Variants in PSMC6 observed in about 807,000 individuals in gnomAD.
PSMC6 encodes the protein proteasome 26S subunit, ATPase 6, also known as 26S proteasome regulatory subunit 10B.
Under a neutral mutation model 55.9 loss-of-function variants are expected in PSMC6, and 3 were observed. The observed-to-expected ratio is 0.05, with a 90% CI of 0.02 to 0.14. The LOEUF is 0.14. Among genes scored for constraint, PSMC6 ranks in the 10% least tolerant of loss-of-function variants. PSMC6 has a pLI of 1.00. For synonymous variants in PSMC6, 137 were observed against 155.9 expected (o/e 0.88, Z 0.90); for missense variants, 210 against 478.7 (o/e 0.44, Z 5.24).
At chr14:52,722,379 T>G (rs1880233363) in intron 12 of PSMC6, 1 of 151,452 alleles carries the variant, frequency 6.6e-6, no homozygotes, top group Non-Finnish European at 1.5e-5. Flanking sequence ...CTGCCCTTTT[T>G]TTTTTTTTTT....
intron 1 of PSMC6, 129 bp from the exon 2 acceptor site, chr14:52,708,180 G>T: frequency 1.3e-6 from 1 of 741,964 alleles, no homozygotes; most frequent in Non-Finnish European, 2.3e-6. Flanking sequence ...TTCTTTTATG[G>T]TTTGAAACAG....
At chr14:52,714,181 C>T (rs369865742) in intron 7 of PSMC6, 1 of 410,034 alleles carries the variant, frequency 2.4e-6, no homozygotes, top group Non-Finnish European at 4.3e-6. Flanking sequence ...GCTGGGACTG[C>T]AGGCGTGCAT....
chr14:52,714,063 C>A, intron 7 of PSMC6, 95 bp downstream of exon 7: 1 of 814,068 alleles, frequency 1.2e-6, no homozygotes, highest in Non-Finnish European at 1.9e-6. Context: ...TTTTTTGAGA[C>A]ACGGTCTCAC....
intron 13 of PSMC6, among the ~76,000 whole-genome samples, chr14:52,726,571 T>G (rs1477179163): frequency 1.3e-5 from 2 of 151,486 alleles, no homozygotes; most frequent in African/African-American, 4.8e-5. Flanking sequence ...TAGTTTTGAT[T>G]GCTTCGGTTT....
chr14:52,725,297 ATTTACC>A (rs1020421705), intron 13 of PSMC6, among the ~76,000 whole-genome samples: 12 of 152,150 alleles, frequency 7.9e-5, no homozygotes, highest in African/African-American at 2.9e-4. Context: ...ATTCTTACAA[ATTTACC>A]TTTAGTTATT....
At chr14:52,708,702 C>G in intron 3 of PSMC6, 62 bp from the exon 4 acceptor site, 1 of 1,601,998 alleles carries the variant, frequency 6.2e-7, no homozygotes, top group Non-Finnish European at 8.5e-7. Context: ...CCTCTGTCAA[C>G]GTGGGTATGT....
rs542726549 is a variant in PSMC6, at chr14:52,719,193, ACT to A, written c.777+158_777+159del. 6.2e-4 allele frequency among the ~76,000 whole-genome samples: 94 copies of A among 152,330 alleles called. 1 individual carries two copies. The highest frequency in any genetic ancestry group is 5.2e-3 in the South Asian group (25 of 4,826). On this transcript the variant is annotated intron_variant, in intron 10 of 13. Transcript: ENST00000445930. Reference sequence around the variant, plus strand: ...GAACAAACATGTTTCTCTATCACAAACTCTAAGAAAATGACTACTGGAAAATA... The same window carrying A: ...GAACAAACATGTTTCTCTATCACAAACTAAGAAAATGACTACTGGAAAATA...
chr14:52,718,865 T>A (rs1448649494), intron 9 of PSMC6, 112 bp from the exon 10 acceptor site: 1 of 835,742 alleles, frequency 1.2e-6, no homozygotes, highest in African/African-American at 1.7e-5. Flanking sequence ...ATTCTTGCTC[T>A]TTAATTTTCA....
Position 52,720,899 on chromosome 14 carries a change from A to G in PSMC6, c.816A>G (p.Arg272=), listed in dbSNP as rs780468703. ...TGGATGGATTTGATACTCTGCATAG[A>G]GTTAAAATGATCATGGCTACAAACA... ...NQMDGFDTLH[R]VKMIMATNRP... is the part of the protein sequence containing the mutation. The change falls in exon 11 of 14, where the codon AGA becomes AGG. Residue 272 remains arginine (R), a synonymous_variant. Coordinates refer to ENST00000445930, the MANE Select transcript of PSMC6 (RefSeq NM_002806.5). The G allele has an allele frequency of 5.0e-6, 8 of 1,609,610 alleles. No individual in the cohort carries two copies. The South Asian group carries it at 8.8e-5, about 18-fold the overall frequency.
At chr14:52,720,037 A>G (rs568933485) in intron 10 of PSMC6, among the ~76,000 whole-genome samples, 5 of 152,172 alleles carry the variant, frequency 3.3e-5, no homozygotes, top group African/African-American at 9.6e-5. Flanking sequence ...AGCCTGACCA[A>G]CGTAGCGAAA....
chr14:52,707,244 C>G lies in PSMC6; in HGVS notation c.25C>G (p.Leu9Val). 6.2e-7 allele frequency: 1 copy of G among 1,614,072 alleles called. No individual in the cohort carries two copies. The highest frequency in any genetic ancestry group is 8.5e-7 in the Non-Finnish European group (1 of 1,180,018). Reference protein sequence around the residue: MADPRDKALQDYRKKLLEH... With the variant: MADPRDKAVQDYRKKLLEH... The stretch of plus-strand genomic sequence containing the variant: ...CATGGCGGACCCTAGAGATAAGGCG[C>G]TTCAGGACTACCGCAAGAAGTTGCT... Residue 9 changes from leucine (L) to valine (V), a missense_variant, in exon 1 of 14, where the codon CTT (leucine) becomes GTT (valine). Leu to Val is a conservative substitution (Grantham distance 32, BLOSUM62 1). Coordinates refer to ENST00000445930, the MANE Select transcript of PSMC6 (RefSeq NM_002806.5).
intron 12 of PSMC6, 60 bp from the exon 13 acceptor site, chr14:52,723,905 G>A: frequency 6.3e-7 from 1 of 1,595,592 alleles, no homozygotes; most frequent in African/African-American, 1.4e-5. Flanking sequence ...TTTCGATGTG[G>A]GCATAAATCA....
rs1340761664 is a variant in PSMC6, at chr14:52,708,775, G to A, written c.217G>A (p.Ala73Thr). The change falls in exon 4 of 14, where the codon GCT (alanine) becomes ACT (threonine). Residue 73 changes from alanine to threonine, a missense_variant. Physicochemically the swap from Ala to Thr is moderately conservative, Grantham distance 58 (BLOSUM62 0). Around this residue, in one of 4 missense-constraint regions of PSMC6, gnomAD observed 101 missense variants for 250.4 expected, o/e 0.40. Transcript: ENST00000445930. ...QLTEEKFIVK[A>T]TNGPRYVVGC... ...GTTTTTTCTTCTAGTCATTGTTAAA[G>A]CTACCAATGGACCAAGATATGTTGT... 1 of 1,613,434 alleles carries A rather than the reference G, an allele frequency of 6.2e-7. No individual in the cohort carries two copies. Among genetic ancestry groups the A allele is most frequent in the Non-Finnish European group, 8.5e-7 (1 of 1,179,762 alleles).
chr14:52,715,986 T>C (rs2041826293), intron 7 of PSMC6, among the ~76,000 whole-genome samples: 1 of 152,188 alleles, frequency 6.6e-6, no homozygotes, highest in African/African-American at 2.4e-5. Context: ...ATAACAAAAA[T>C]TTTTTATAAT....
At chr14:52,722,676 G>A (rs547893007) in intron 12 of PSMC6, 2 of 152,294 alleles carry the variant, frequency 1.3e-5, no homozygotes, top group South Asian at 4.1e-4. Flanking sequence ...CATTATCTAT[G>A]GAAGTGAGGG....
intron 1 of PSMC6, among the ~76,000 whole-genome samples, chr14:52,707,912 T>C (rs1207984747): frequency 1.3e-5 from 2 of 152,198 alleles, no homozygotes; most frequent in Non-Finnish European, 2.9e-5. Flanking sequence ...TGTGGAGAAC[T>C]GCATTTGTTG....
chr14:52,716,390 C>T (rs1436434975), intron 7 of PSMC6, among the ~76,000 whole-genome samples: 1 of 152,138 alleles, frequency 6.6e-6, no homozygotes, highest in East Asian at 1.9e-4. Flanking sequence ...GCTGCACTCC[C>T]ATGATTATTT....
intron 11 of PSMC6, 54 bp from the exon 12 acceptor site, chr14:52,721,056 C>T: frequency 6.3e-7 from 1 of 1,580,802 alleles, no homozygotes; most frequent in Non-Finnish European, 8.6e-7. Flanking sequence ...CTTCACCTTC[C>T]ACTGTATTTT....
chr14:52,720,089 G>A (rs990553290), intron 10 of PSMC6, among the ~76,000 whole-genome samples: 2 of 151,988 alleles, frequency 1.3e-5, no homozygotes, highest in African/African-American at 4.8e-5. Flanking sequence ...TGGGCGTGGT[G>A]GCGTGTGCCT....
Sources: gnomAD v4.1 joint callset for allele counts (sites outside exome capture counted in the v4.1 genomes callset) on GRCh38, gnomAD v4.1.1 for gene constraint, gnomAD v4.1.1 regional missense constraint, MANE v1.5 for transcripts, NCBI Gene and HGNC (gene_info 2026-07-23, HGNC 2026-07-21) for gene names.